ATM: variants seen among roughly 807,000 people sequenced by gnomAD.
ATM encodes serine-protein kinase ATM.
A neutral mutation model predicts 387.0 loss-of-function variants in ATM; 308 were observed. The ratio of observed to expected loss-of-function variants is 0.80; its 90% CI spans 0.73 to 0.87. The LOEUF is 0.87. ATM is among the 40% of genes least tolerant of loss of function. The probability of loss-of-function intolerance (pLI) is 0.00; values close to 1 mark genes in which losing one functional copy is unlikely to be tolerated. For missense variants in ATM, 3,312 were observed against 3,560.9 expected, an observed-to-expected ratio of 0.93 and a Z score of 1.78; for synonymous variants, 1,156 against 1,187.3, an observed-to-expected ratio of 0.97 and a Z score of 0.54.
rs2136526454 is a variant in ATM, at chr11:108,332,001, T to C, written c.7752T>C (p.Thr2584=). 6.2e-7 allele frequency: 1 copy of C among 1,614,038 alleles called. No homozygotes were observed. Among genetic ancestry groups the C allele is most frequent in the Non-Finnish European group, 8.5e-7 (1 of 1,179,954 alleles). ...AGGTAGCCAGAAGAAGCAGAATAAC[T>C]AAAAATGTGCCTAAACAAAGCTCTC... ...KPEVARRSRI[T]KNVPKQSSQL... Residue 2584 remains threonine, a synonymous_variant, in exon 52 of 63, where the codon ACT becomes ACC. Coordinates refer to ENST00000675843, the MANE Select transcript of ATM (RefSeq NM_000051.4).
chr11:108,284,610 C>G, intron 26 of ATM, 137 bp downstream of exon 26: 1 of 1,196,520 alleles, frequency 8.4e-7, no homozygotes, highest in Non-Finnish European at 1.2e-6. Context: ...TCTAGCATAG[C>G]CAACCCATGA....
chr11:108,248,780 C>T lies in ATM; in HGVS notation c.1066-153C>T, dbSNP rs554080712. Among the ~76,000 whole-genome samples the T allele has an allele frequency of 2.7e-4, 41 of 151,220 alleles. No homozygotes were observed. The South Asian group carries it at 5.9e-3, about 22-fold the overall frequency. On this transcript the variant is annotated intron_variant, in intron 8 of 62. Coordinates refer to ENST00000675843, the MANE Select transcript of ATM (RefSeq NM_000051.4). The stretch of plus-strand genomic sequence containing the variant: ...GTGCAAGCCTGTAATCCCAGCTACT[C>T]GGGAGGCTGAGGCAGGAGAATCACT...
chr11:108,331,789 G>A (rs1460661811), intron 51 of ATM, 90 bp from the exon 52 acceptor site: 2 of 1,462,522 alleles, frequency 1.4e-6, no homozygotes, highest in African/African-American at 1.4e-5. Flanking sequence ...TATCTAGACA[G>A]TAATACACAT....
intron 34 of ATM, 77 bp from the exon 35 acceptor site, chr11:108,301,571 A>T (rs1214387587): frequency 1.9e-6 from 3 of 1,581,390 alleles, no homozygotes; most frequent in Non-Finnish European, 2.6e-6. Context: ...TAGTTTTGAA[A>T]TTTTTTCAGT....
intron 56 of ATM, among the ~76,000 whole-genome samples, chr11:108,336,706 G>A (rs1257816065): frequency 1.3e-5 from 2 of 152,180 alleles, no homozygotes; most frequent in African/African-American, 2.4e-5. Context: ...CTGGGTTAGA[G>A]GATACATGCA....
At chr11:108,260,996 G>A (rs1166304145) in intron 16 of ATM, among the ~76,000 whole-genome samples, 3 of 151,214 alleles carry the variant, frequency 2.0e-5, no homozygotes, top group African/African-American at 4.9e-5. Flanking sequence ...TACGCCCACG[G>A]AGTCTCGCTG....
chr11:108,268,691 C>T (rs968792224), intron 18 of ATM, 82 bp downstream of exon 18: 179 of 1,410,646 alleles, frequency 1.3e-4, no homozygotes, highest in Non-Finnish European at 1.7e-4. Flanking sequence ...GTAAGAATCA[C>T]ATGGTGTCTT....
chr11:108,329,454 T>C (rs1439506404), intron 49 of ATM: 12 of 555,076 alleles, frequency 2.2e-5, no homozygotes, highest in Admixed American at 1.9e-4. Context: ...TCACCCAGGC[T>C]GGAGTACAGT....
chr11:108,272,067 G>A (rs2081613943), intron 20 of ATM, among the ~76,000 whole-genome samples: 1 of 152,102 alleles, frequency 6.6e-6, no homozygotes, highest in Admixed American at 6.5e-5. Context: ...TAGAGATGGG[G>A]TTTCAACACG....
chr11:108,271,627 C>T (rs1457746285), intron 20 of ATM, among the ~76,000 whole-genome samples: 1 of 152,178 alleles, frequency 6.6e-6, no homozygotes, highest in African/African-American at 2.4e-5. Flanking sequence ...CATTTCTCTG[C>T]AAATTTTGAA....
rs754362678 is a variant in ATM, at chr11:108,260,030, C to CTTT, written c.2466+975_2466+977dup. On this transcript the variant is annotated intron_variant, in intron 16 of 62. Transcript: ENST00000675843. Reference sequence around the variant, plus strand: ...ATATGTATATGAAAGCTTATCTGCTCTTTTTTTTTTTTTTTTTTTTTTGAG... The same window carrying CTTT: ...ATATGTATATGAAAGCTTATCTGCTCTTTTTTTTTTTTTTTTTTTTTTTTTGAG... Among the ~76,000 whole-genome samples the CTTT allele has an allele frequency of 9.7e-4, 92 of 94,564 alleles. 1 individual carries two copies. The highest frequency in any genetic ancestry group is 2.4e-3 in the African/African-American group (63 of 25,970). The allele number at this position is 94,564 out of a possible 152,430, so 62.0% of individuals were successfully genotyped here. A position where few individuals can be genotyped will look rare whatever the true frequency, so the allele number is the denominator to read the frequency against.
intron 34 of ATM, 64 bp from the exon 35 acceptor site, chr11:108,301,584 A>C (rs768857332): frequency 1.0e-5 from 16 of 1,596,438 alleles, no homozygotes; most frequent in Non-Finnish European, 1.4e-5. Context: ...TTTTCAGTGG[A>C]GGTTAACATT....
chr11:108,301,813 T>C, intron 35 of ATM, 24 bp downstream of exon 35: 1 of 1,611,030 alleles, frequency 6.2e-7, no homozygotes, highest in Non-Finnish European at 8.5e-7. Context: ...TAAATGTTTA[T>C]TGAATACCCA....
chr11:108,269,560 A>G (rs1290564840), intron 18 of ATM, among the ~76,000 whole-genome samples: 1 of 152,188 alleles, frequency 6.6e-6, no homozygotes, highest in African/African-American at 2.4e-5. Flanking sequence ...GAATGCATTT[A>G]CTTATTTGCT....
At chr11:108,361,760 A>G (rs1386661004) in intron 61 of ATM, among the ~76,000 whole-genome samples, 2 of 152,094 alleles carry the variant, frequency 1.3e-5, no homozygotes, top group Non-Finnish European at 2.9e-5. Flanking sequence ...GAAAGCTGAA[A>G]CTGGATCCCT....
intron 4 of ATM, among the ~76,000 whole-genome samples, chr11:108,233,604 A>T (rs1355319196): frequency 1.3e-5 from 2 of 151,384 alleles, no homozygotes; most frequent in Admixed American, 1.3e-4. Context: ...TCTGCAGGCA[A>T]CTTAGTTGTA....
At chr11:108,294,850 AT>A (rs2083027608) in intron 31 of ATM, 76 bp from the exon 32 acceptor site, 1 of 1,544,770 alleles carries the variant, frequency 6.5e-7, no homozygotes, top group Non-Finnish European at 8.9e-7. Flanking sequence ...CACTTAACTA[AT>A]TTTTTTCTTT....
chr11:108,252,335 A>T (rs2080199212), intron 11 of ATM, among the ~76,000 whole-genome samples: 2 of 152,136 alleles, frequency 1.3e-5, no homozygotes, highest in Non-Finnish European at 2.9e-5. Flanking sequence ...CATATATTTG[A>T]GTCATGTAGA....
chr11:108,230,665 C>G (rs1054221134), intron 4 of ATM: 1 of 152,096 alleles, frequency 6.6e-6, no homozygotes, highest in African/African-American at 2.4e-5. Context: ...CCTCTACTTA[C>G]AGGGAAGAGG....
Sources: gnomAD v4.1 joint callset for allele counts (sites outside exome capture counted in the v4.1 genomes callset) on GRCh38, gnomAD v4.1.1 for gene constraint, MANE v1.5 for transcripts, NCBI Gene and HGNC (gene_info 2026-07-23, HGNC 2026-07-21) for gene names.